CCDC12: variants seen among roughly 807,000 people sequenced by gnomAD.
The protein encoded by CCDC12 is coiled-coil domain-containing protein 12.
A neutral mutation model predicts 25.7 loss-of-function variants in CCDC12; 28 were observed. The ratio of observed to expected loss-of-function variants is 1.09; its 90% CI spans 0.81 to 1.50. The LOEUF is 1.50. CCDC12 is among the 40% of genes most tolerant of loss of function. The pLI is 0.00. For synonymous variants in CCDC12, 75 were observed against 87.7 expected (o/e 0.86, Z 0.81); for missense variants, 198 against 210.0 (o/e 0.94, Z 0.35).
intron 2 of CCDC12, among the ~76,000 whole-genome samples, chr3:46,937,833 T>A (rs539950652): frequency 1.3e-5 from 2 of 152,342 alleles, no homozygotes; most frequent in African/African-American, 4.8e-5. Context: ...AATGTTCTAA[T>A]CTGCCTTCCT....
At chr3:46,927,870 C>T (rs2033034613) in intron 2 of CCDC12, among the ~76,000 whole-genome samples, 1 of 152,196 alleles carries the variant, frequency 6.6e-6, no homozygotes, top group Non-Finnish European at 1.5e-5. Flanking sequence ...GACTTCCCCT[C>T]CCTAATGCCC....
At chr3:46,923,822 G>A in intron 3 of CCDC12, 154 bp from the exon 4 acceptor site, 1 of 507,538 alleles carries the variant, frequency 2.0e-6, no homozygotes, top group South Asian at 6.0e-5. Flanking sequence ...TGAAGACCCT[G>A]CAAAGGCAGC....
At chr3:46,927,113 G>A (rs2107107450) in intron 2 of CCDC12, among the ~76,000 whole-genome samples, 1 of 152,278 alleles carries the variant, frequency 6.6e-6, no homozygotes, top group East Asian at 1.9e-4. Context: ...CTGGAGCCTT[G>A]GGGCTGGGCT....
chr3:46,963,235 G>A (rs1464695329), intron 1 of CCDC12, among the ~76,000 whole-genome samples: 11 of 152,140 alleles, frequency 7.2e-5, no homozygotes, highest in Admixed American at 5.2e-4. Context: ...GATGACATGG[G>A]CATGTTCACC....
At chr3:46,942,366 G>A (rs1253831178) in intron 1 of CCDC12, among the ~76,000 whole-genome samples, 1 of 152,258 alleles carries the variant, frequency 6.6e-6, no homozygotes, top group Non-Finnish European at 1.5e-5. Flanking sequence ...CACTATGGCA[G>A]CGTCCTGCCT....
chr3:46,932,235 C>G (rs984011570), intron 2 of CCDC12, among the ~76,000 whole-genome samples: 1 of 152,212 alleles, frequency 6.6e-6, no homozygotes, highest in Non-Finnish European at 1.5e-5. Context: ...TATATACGCA[C>G]GATCCTGGCA....
chr3:46,922,000 C>A lies in CCDC12; in HGVS notation c.*57G>T. 6.3e-7 allele frequency: 1 copy of A among 1,592,802 alleles called. No individual in the cohort carries two copies. The highest frequency in any genetic ancestry group is 1.1e-5 in the South Asian group (1 of 90,142). Reference sequence around the variant, plus strand: ...TGGCAAGCCTAGCCCCCATCCCTGCCCAAGACCATCCTCTGCAGGACAGGC... The same window carrying A: ...TGGCAAGCCTAGCCCCCATCCCTGCACAAGACCATCCTCTGCAGGACAGGC... On this transcript the variant is annotated 3_prime_UTR_variant, in exon 7 of 7. Coordinates refer to ENST00000683445, the MANE Select transcript of CCDC12 (RefSeq NM_001277074.2).
chr3:46,960,567 A>G (rs2034433570), intron 1 of CCDC12, among the ~76,000 whole-genome samples: 1 of 152,352 alleles, frequency 6.6e-6, no homozygotes, highest in East Asian at 1.9e-4. Flanking sequence ...CTGAATCAAA[A>G]CAGCCCAGGA....
chr3:46,944,559 C>CT (rs1486683369), intron 1 of CCDC12, among the ~76,000 whole-genome samples: 1 of 151,920 alleles, frequency 6.6e-6, no homozygotes, highest in Non-Finnish European at 1.5e-5. Flanking sequence ...CCCCCACTCC[C>CT]CACTCAATAC....
chr3:46,965,235 A>G (rs953426464), intron 1 of CCDC12, among the ~76,000 whole-genome samples: 5 of 152,236 alleles, frequency 3.3e-5, no homozygotes, highest in Non-Finnish European at 7.3e-5. Flanking sequence ...TTGAATTTCA[A>G]CATTCCTTTG....
At chr3:46,966,087 A>T (rs1311121215) in intron 1 of CCDC12, 1 of 152,368 alleles carries the variant, frequency 6.6e-6, no homozygotes, top group African/African-American at 2.4e-5. Context: ...CTGACCCAGA[A>T]GCAGTGGTCA....
At chr3:46,974,238 T>C (rs1413645792) in intron 1 of CCDC12, among the ~76,000 whole-genome samples, 2 of 152,184 alleles carry the variant, frequency 1.3e-5, no homozygotes, top group Admixed American at 6.5e-5. Flanking sequence ...TTTGGGATGA[T>C]GAAAACGTTC....
chr3:46,940,842 T>G, intron 2 of CCDC12, 156 bp downstream of exon 2: 2 of 677,250 alleles, frequency 3.0e-6, no homozygotes, highest in South Asian at 1.9e-5. Context: ...CCTTCTGAGA[T>G]GTTGAGATTT....
At chr3:46,938,518 G>GTTTTTTT (rs66474878) in intron 2 of CCDC12, among the ~76,000 whole-genome samples, 8 of 91,380 alleles carry the variant, frequency 8.8e-5, no homozygotes, top group South Asian at 4.3e-4. Flanking sequence ...TTCCCCTCCT[G>GTTTTTTT]TTTTTTTTTT....
intron 2 of CCDC12, among the ~76,000 whole-genome samples, chr3:46,926,597 C>T (rs2032969593): frequency 6.6e-6 from 1 of 152,136 alleles, no homozygotes; most frequent in Non-Finnish European, 1.5e-5. Context: ...GAAGCAGGCT[C>T]CCAGGAAAAT....
chr3:46,970,995 G>A (rs2034787533), intron 1 of CCDC12, among the ~76,000 whole-genome samples: 1 of 152,168 alleles, frequency 6.6e-6, no homozygotes, highest in African/African-American at 2.4e-5. Context: ...GGCTACCAGA[G>A]TACCCCAGTC....
chr3:46,943,835 G>A (rs1163780493), intron 1 of CCDC12, among the ~76,000 whole-genome samples: 2 of 152,268 alleles, frequency 1.3e-5, no homozygotes, highest in Non-Finnish European at 2.9e-5. Flanking sequence ...GCTGTGCAAA[G>A]AGCAGGGGCT....
At position 46,963,575 on chromosome 3, in the gene CCDC12, C is replaced by T. The variant is rs1575561180; in HGVS notation, c.96+13062G>A. On this transcript the variant is annotated intron_variant, in intron 1 of 6. Coordinates refer to ENST00000683445, the MANE Select transcript of CCDC12 (RefSeq NM_001277074.2). ...TCCCTGCCTGATTCTCCTGCCTCAG[C>T]CTGCCGAGTGCCTGCGATCGCAGGC... Among the ~76,000 whole-genome samples, 5 of 152,320 alleles carry T rather than the reference C, an allele frequency of 3.3e-5. No homozygotes were observed. In the South Asian group the frequency reaches 6.2e-4, roughly 19 times the overall value.
At chr3:46,942,734 G>A (rs894805702) in intron 1 of CCDC12, among the ~76,000 whole-genome samples, 12 of 152,172 alleles carry the variant, frequency 7.9e-5, no homozygotes, top group South Asian at 4.1e-4. Context: ...TCATGGCAAC[G>A]AGGCAGCGAG....
Sources: gnomAD v4.1 joint callset for allele counts (sites outside exome capture counted in the v4.1 genomes callset) on GRCh38, gnomAD v4.1.1 for gene constraint, MANE v1.5 for transcripts, NCBI Gene and HGNC (gene_info 2026-07-23, HGNC 2026-07-21) for gene names.